NRXN1: variants seen among roughly 807,000 people sequenced by gnomAD.
NRXN1 encodes the protein neurexin-1.
Under a neutral mutation model 150.9 loss-of-function variants are expected in NRXN1, and 39 were observed. That is an observed-to-expected ratio of 0.26 (90% CI 0.20 to 0.34). NRXN1 has a LOEUF of 0.34. Among genes scored for constraint, NRXN1 ranks in the 10% least tolerant of loss-of-function variants. NRXN1 has a pLI of 1.00. For missense variants in NRXN1, 1,815 were observed against 1,949.9 expected, an observed-to-expected ratio of 0.93 and a Z score of 1.30; for synonymous variants, 924 against 757.0, an observed-to-expected ratio of 1.22 and a Z score of -3.62.
At chr2:49,984,235 G>A (rs749496846) in intron 21 of NRXN1, among the ~76,000 whole-genome samples, 1 of 152,058 alleles carries the variant, frequency 6.6e-6, no homozygotes, top group East Asian at 1.9e-4. Flanking sequence ...AATGTAATTT[G>A]AAAGATAAGT....
At chr2:50,850,552 C>G (rs1674369880) in intron 5 of NRXN1, among the ~76,000 whole-genome samples, 1 of 152,266 alleles carries the variant, frequency 6.6e-6, no homozygotes, top group African/African-American at 2.4e-5. Flanking sequence ...ACCACGCTAT[C>G]AAATTCCGCA....
chr2:50,963,989 T>C (rs1693633933), intron 2 of NRXN1: 1 of 441,896 alleles, frequency 2.3e-6, no homozygotes, highest in African/African-American at 2.0e-5. Flanking sequence ...TCCTTCTCTT[T>C]ATGAAAAATA....
intron 19 of NRXN1, among the ~76,000 whole-genome samples, chr2:50,057,271 C>T (rs986351164): frequency 3.3e-5 from 5 of 152,126 alleles, no homozygotes; most frequent in Non-Finnish European, 7.4e-5. Flanking sequence ...TCTTTCAATT[C>T]TTCCAAATCT....
intron 17 of NRXN1, among the ~76,000 whole-genome samples, chr2:50,262,458 T>A (rs1298194022): frequency 2.6e-5 from 4 of 151,958 alleles, no homozygotes; most frequent in Non-Finnish European, 5.9e-5. Context: ...TACTGAGGTC[T>A]TCTCTTTTTA....
At chr2:50,766,604 G>C (rs1702410239) in intron 5 of NRXN1, among the ~76,000 whole-genome samples, 1 of 151,860 alleles carries the variant, frequency 6.6e-6, no homozygotes, top group South Asian at 2.1e-4. Context: ...GTGTATGCTG[G>C]GATTAATCCC....
intron 8 of NRXN1, among the ~76,000 whole-genome samples, chr2:50,614,539 T>C (rs1678722930): frequency 6.6e-6 from 1 of 151,022 alleles, no homozygotes; most frequent in African/African-American, 2.4e-5. Context: ...CTAATGTAAA[T>C]GACGAGTTAA....
chr2:50,633,594 C>T (rs1400747547), intron 5 of NRXN1, among the ~76,000 whole-genome samples: 1 of 151,556 alleles, frequency 6.6e-6, no homozygotes, highest in Admixed American at 6.6e-5. Flanking sequence ...ACACTAAAAT[C>T]AGTATAAAAT....
At chr2:50,158,153 C>T (rs1273654977) in intron 18 of NRXN1, among the ~76,000 whole-genome samples, 1 of 148,906 alleles carries the variant, frequency 6.7e-6, no homozygotes, top group East Asian at 2.0e-4. Context: ...TCACAAGAAT[C>T]TATCCATTTT....
At chr2:50,243,904 A>C (rs1175291477) in intron 17 of NRXN1, among the ~76,000 whole-genome samples, 1 of 151,864 alleles carries the variant, frequency 6.6e-6, no homozygotes, top group Non-Finnish European at 1.5e-5. Flanking sequence ...ATCAAAATAA[A>C]ACAATTGAGA....
In NRXN1 at chr2:51,027,979, C is replaced by G. The variant is rs779511888; in HGVS notation, c.295G>C (p.Glu99Gln). 1 of 1,601,684 alleles carries G rather than the reference C, an allele frequency of 6.2e-7. No individual in the cohort carries two copies. The highest frequency in any genetic ancestry group is 1.3e-5 in the African/African-American group (1 of 74,900). ...LQLSFSIFCA[E>Q]PATLLADTPV... ...GTGTCGGCCAGGAGCGTCGCAGGCT[C>G]AGCGCAGAAGATGGAGAAGCTGAGC... Residue 99 changes from glutamate to glutamine, a missense_variant, in exon 2 of 23, where the codon GAG (glutamate) becomes CAG (glutamine). Coordinates refer to ENST00000401669, the MANE Select transcript of NRXN1 (RefSeq NM_001330078.2).
intron 5 of NRXN1, among the ~76,000 whole-genome samples, chr2:50,679,447 T>A (rs1006916987): frequency 1.3e-5 from 2 of 152,004 alleles, no homozygotes; most frequent in Non-Finnish European, 2.9e-5. Context: ...TGAAAATGTT[T>A]TAGCTCTCCC....
chr2:50,479,652 G>A (rs890028806), intron 15 of NRXN1, among the ~76,000 whole-genome samples: 1 of 151,702 alleles, frequency 6.6e-6, no homozygotes, highest in African/African-American at 2.4e-5. Context: ...AAACAATAAG[G>A]ACACAGGGAA....
chr2:50,777,702 C>T (rs1042986612), intron 5 of NRXN1, among the ~76,000 whole-genome samples: 3 of 152,100 alleles, frequency 2.0e-5, no homozygotes, highest in African/African-American at 7.2e-5. Flanking sequence ...TACTGCACAT[C>T]ATCTAAATAT....
chr2:49,997,174 A>G (rs890718489), intron 21 of NRXN1, among the ~76,000 whole-genome samples: 3 of 152,078 alleles, frequency 2.0e-5, no homozygotes, highest in African/African-American at 7.2e-5. Context: ...ACAGTTGGAG[A>G]TGGAAATTCA....
intron 5 of NRXN1, among the ~76,000 whole-genome samples, chr2:50,682,730 G>C (rs546096715): frequency 1.3e-5 from 2 of 152,184 alleles, no homozygotes; most frequent in South Asian, 4.2e-4. Flanking sequence ...CAAGGGCCTA[G>C]CAAGACAGAG....
intron 5 of NRXN1, among the ~76,000 whole-genome samples, chr2:50,626,188 T>C (rs1459015809): frequency 6.6e-6 from 1 of 151,918 alleles, no homozygotes; most frequent in East Asian, 1.9e-4. Context: ...GAGTTCTGTG[T>C]ACTAGAGACA....
At chr2:50,913,415 T>G (rs1482855895) in intron 5 of NRXN1, among the ~76,000 whole-genome samples, 3 of 151,748 alleles carry the variant, frequency 2.0e-5, no homozygotes, top group African/African-American at 7.2e-5. Flanking sequence ...GACTTTATAA[T>G]GCCAAGTCCA....
At chr2:50,145,272 A>AT (rs988124179) in intron 18 of NRXN1, among the ~76,000 whole-genome samples, 1 of 149,126 alleles carries the variant, frequency 6.7e-6, no homozygotes, top group Admixed American at 6.7e-5. Context: ...AATTTATTTA[A>AT]TTTTTTTCTC....
chr2:50,817,486 TTCCATA>T (rs1669100136), intron 5 of NRXN1, among the ~76,000 whole-genome samples: 1 of 152,048 alleles, frequency 6.6e-6, no homozygotes, highest in Non-Finnish European at 1.5e-5. Flanking sequence ...AAGAGAACAT[TTCCATA>T]CTTATTTTAT....
Sources: allele counts gnomAD v4.1 joint callset (sites outside exome capture counted in the v4.1 genomes callset), GRCh38; gene constraint gnomAD v4.1.1; transcripts MANE v1.5; gene names NCBI Gene and HGNC (gene_info 2026-07-23, HGNC 2026-07-21).